The following ARHGAP15 variants were observed in gnomAD, a reference collection of about 807,000 sequenced individuals.
ARHGAP15 encodes rho GTPase-activating protein 15.
Under a neutral mutation model 63.7 loss-of-function variants are expected in ARHGAP15, and 51 were observed. That is an observed-to-expected ratio of 0.80 (90% CI 0.64 to 1.01). The LOEUF is 1.01. Ranked by LOEUF, ARHGAP15 falls within the 50% of genes least tolerant of loss-of-function variation. The pLI, the probability that ARHGAP15 is intolerant of heterozygous loss-of-function variation, is 0.00. For missense variants in ARHGAP15, 560 were observed against 564.6 expected (o/e 0.99, Z 0.08); for synonymous variants, 191 against 193.8 (o/e 0.99, Z 0.12).
At chr2:143,535,541 A>T (rs1288671218) in intron 10 of ARHGAP15, among the ~76,000 whole-genome samples, 1 of 152,252 alleles carries the variant, frequency 6.6e-6, no homozygotes, top group East Asian at 1.9e-4. Flanking sequence ...TTATCTTCCC[A>T]GATTTTCTGA....
At chr2:143,472,114 T>G (rs1490510855) in intron 8 of ARHGAP15, 1 of 152,182 alleles carries the variant, frequency 6.6e-6, no homozygotes, top group Non-Finnish European at 1.5e-5. Flanking sequence ...GTCCTAAGGC[T>G]ACATGGCATG....
intron 6 of ARHGAP15, among the ~76,000 whole-genome samples, chr2:143,302,214 T>C (rs1220854312): frequency 1.3e-5 from 2 of 151,940 alleles, no homozygotes; most frequent in South Asian, 2.1e-4. Flanking sequence ...TCCATATCCA[T>C]CAATTTCTTC....
At chr2:143,247,241 G>A (rs1558839056) in intron 5 of ARHGAP15, 1 of 152,454 alleles carries the variant, frequency 6.6e-6, no homozygotes, top group East Asian at 1.9e-4. Context: ...TTAAGGGGAG[G>A]GCTTTAAGTG....
At chr2:143,330,691 G>A (rs1046572031) in intron 6 of ARHGAP15, among the ~76,000 whole-genome samples, 1 of 152,058 alleles carries the variant, frequency 6.6e-6, no homozygotes, top group African/African-American at 2.4e-5. Flanking sequence ...TGTCCTTAAG[G>A]TTTCATTTCT....
chr2:143,287,695 C>G (rs1025686058), intron 6 of ARHGAP15, among the ~76,000 whole-genome samples: 1 of 151,824 alleles, frequency 6.6e-6, no homozygotes, highest in African/African-American at 2.4e-5. Context: ...AATAGCTACT[C>G]GGGAGGGTGA....
At chr2:143,377,170 A>G (rs1467607567) in intron 6 of ARHGAP15, among the ~76,000 whole-genome samples, 1 of 152,064 alleles carries the variant, frequency 6.6e-6, no homozygotes, top group Non-Finnish European at 1.5e-5. Context: ...GTAATCCTAT[A>G]AAGAATAAAT....
intron 9 of ARHGAP15, among the ~76,000 whole-genome samples, chr2:143,509,074 C>T: frequency 6.6e-6 from 1 of 152,204 alleles, no homozygotes; most frequent in East Asian, 1.9e-4. Context: ...TGTCCAGCTT[C>T]ATTTGAAAGC....
Position 143,479,818 on chromosome 2 carries a change from A to G in ARHGAP15, c.704-7555A>G, listed in dbSNP as rs114236768. Among the ~76,000 whole-genome samples, 457 of 151,782 alleles carry G rather than the reference A, an allele frequency of 3.0e-3. 4 individuals are homozygous for G. Among genetic ancestry groups the G allele is most frequent in the African/African-American group, 0.011 (442 of 41,396 alleles). The stretch of plus-strand genomic sequence containing the variant: ...AAGATAGGTTTTGCTGTTTAGGTAT[A>G]TTTTCCCTCTTTTTATTGTTTTTCT... On this transcript the variant is annotated intron_variant, in intron 8 of 13. Coordinates refer to ENST00000295095, the MANE Select transcript of ARHGAP15 (RefSeq NM_018460.4).
chr2:143,218,468 T>C (rs917458032), intron 4 of ARHGAP15, among the ~76,000 whole-genome samples: 4 of 152,102 alleles, frequency 2.6e-5, no homozygotes, highest in African/African-American at 7.2e-5. Flanking sequence ...TTAATGTATT[T>C]AATGTGTGTT....
At chr2:143,326,905 T>A (rs1317432551) in intron 6 of ARHGAP15, among the ~76,000 whole-genome samples, 1 of 152,198 alleles carries the variant, frequency 6.6e-6, no homozygotes, top group African/African-American at 2.4e-5. Context: ...TGCTGGAAGT[T>A]CTGGGCCAGG....
At chr2:143,287,332 T>C (rs1253245558) in intron 6 of ARHGAP15, among the ~76,000 whole-genome samples, 1 of 152,152 alleles carries the variant, frequency 6.6e-6, no homozygotes, top group African/African-American at 2.4e-5. Flanking sequence ...ACAAGCGCTT[T>C]CTTCCTTTCT....
intron 10 of ARHGAP15, among the ~76,000 whole-genome samples, chr2:143,526,619 C>G (rs1694293400): frequency 6.6e-6 from 1 of 152,056 alleles, no homozygotes; most frequent in Admixed American, 6.6e-5. Context: ...TTACAAGGCC[C>G]TATATGCAGA....
At chr2:143,372,059 G>C (rs1418009593) in intron 6 of ARHGAP15, among the ~76,000 whole-genome samples, 1 of 151,212 alleles carries the variant, frequency 6.6e-6, no homozygotes, top group African/African-American at 2.4e-5. Flanking sequence ...GGACTAGTCA[G>C]CTGGGCACAG....
chr2:143,228,670 T>G lies in ARHGAP15; in HGVS notation c.384+2T>G. On this transcript the variant is annotated splice_donor_variant, in intron 5 of 13. Transcript: ENST00000295095. LOFTEE classifies it high-confidence loss of function. The stretch of plus-strand genomic sequence containing the variant: ...AAGCAACAGGCTCTGTCCAATATGG[T>G]AAGTAATTCTCTGTTTCTATTGTTA... The G allele has an allele frequency of 6.5e-7, 1 of 1,542,694 alleles. No individual in the cohort carries two copies. The highest frequency in any genetic ancestry group is 8.8e-7 in the Non-Finnish European group (1 of 1,140,332).
chr2:143,705,706 G>A (rs13408590), intron 13 of ARHGAP15, among the ~76,000 whole-genome samples: 4,461 of 152,062 alleles, frequency 0.029, 109 homozygotes, highest in Middle Eastern at 0.048. Context: ...AGAAATATCC[G>A]TTACTCTGTC....
intron 8 of ARHGAP15, among the ~76,000 whole-genome samples, chr2:143,458,831 A>C (rs149944156): frequency 6.6e-6 from 1 of 152,330 alleles, no homozygotes; most frequent in Admixed American, 6.5e-5. Flanking sequence ...AAATATTTGC[A>C]ATACTTGGAT....
chr2:143,276,382 C>A (rs1681550023), intron 6 of ARHGAP15, among the ~76,000 whole-genome samples: 1 of 152,184 alleles, frequency 6.6e-6, no homozygotes, highest in African/African-American at 2.4e-5. Flanking sequence ...TTACTTTCCC[C>A]TATTTCATAA....
Position 143,565,888 on chromosome 2 carries a change from CT to C in ARHGAP15, c.1003+9407del, listed in dbSNP as rs1696199735. Among the ~76,000 whole-genome samples, 3 of 152,264 alleles carry C rather than the reference CT, an allele frequency of 2.0e-5. No individual in the cohort carries two copies. In the East Asian group the frequency reaches 5.8e-4, roughly 29 times the overall value. On this transcript the variant is annotated intron_variant, in intron 11 of 13. Coordinates refer to ENST00000295095, the MANE Select transcript of ARHGAP15 (RefSeq NM_018460.4). ...CAGGCCCTGAATTTTGAAAGCATGT[CT>C]TTTGTTTTTGTTTTCACACAAGGAT...
At chr2:143,482,646 C>G (rs1487335543) in intron 8 of ARHGAP15, among the ~76,000 whole-genome samples, 1 of 152,168 alleles carries the variant, frequency 6.6e-6, no homozygotes, top group Non-Finnish European at 1.5e-5. Flanking sequence ...CCCTTGACAA[C>G]AGAAAAGCGT....
Sources: allele counts gnomAD v4.1 joint callset (sites outside exome capture counted in the v4.1 genomes callset), GRCh38; gene constraint gnomAD v4.1.1; transcripts MANE v1.5; gene names NCBI Gene and HGNC (gene_info 2026-07-23, HGNC 2026-07-21).